Variants in BCAS3 observed in about 807,000 individuals in gnomAD.
BCAS3 encodes BCAS3 microtubule associated cell migration factor.
In BCAS3, 53 loss-of-function variants were observed where a neutral mutation model predicts 116.1. The observed-to-expected ratio is 0.46, with a 90% confidence interval of 0.37 to 0.57. The LOEUF (loss-of-function observed/expected upper bound fraction) is 0.57, where lower values mean the gene tolerates loss of function less well. BCAS3 is among the 20% of genes least tolerant of loss of function. The pLI, the probability that BCAS3 is intolerant of heterozygous loss-of-function variation, is 0.00. For synonymous variants in BCAS3, 391 were observed against 408.2 expected (o/e 0.96, Z 0.51); for missense variants, 917 against 1,165.4 (o/e 0.79, Z 3.10).
Position 61,241,614 on chromosome 17 carries a change from G to A in BCAS3, c.2426-126713G>A, listed in dbSNP as rs1473667533. Among the ~76,000 whole-genome samples, 2 of 152,016 alleles carry A rather than the reference G, an allele frequency of 1.3e-5. No homozygotes were observed. Among genetic ancestry groups the A allele is most frequent in the African/African-American group, 2.4e-5 (1 of 41,392 alleles). ...GGTGCCTGTAGTCCCAGCTACTCGGGAGGATGAGGCAGGAAAATGGCGTGA... is the reference window on the plus strand; with the variant it reads ...GGTGCCTGTAGTCCCAGCTACTCGGAAGGATGAGGCAGGAAAATGGCGTGA... On this transcript the variant is annotated intron_variant, in intron 22 of 23. Transcript: ENST00000407086. The surrounding 1 kb of genome is among the most constrained non-coding windows in gnomAD (Gnocchi z 4.6).
chr17:60,693,884 A>G (rs1359892676), intron 4 of BCAS3, among the ~76,000 whole-genome samples: 2 of 146,890 alleles, frequency 1.4e-5, no homozygotes, highest in Non-Finnish European at 3.0e-5. Flanking sequence ...TAAAAATTTT[A>G]ATTTTTTTTT....
chr17:60,985,775 C>T (rs887794532), intron 14 of BCAS3, among the ~76,000 whole-genome samples: 2 of 152,042 alleles, frequency 1.3e-5, no homozygotes, highest in African/African-American at 4.8e-5. Flanking sequence ...TTCGCTCTGT[C>T]GCCCAGCCTG....
At chr17:60,796,416 G>A (rs2047219982) in intron 6 of BCAS3, among the ~76,000 whole-genome samples, 1 of 152,094 alleles carries the variant, frequency 6.6e-6, no homozygotes, top group Non-Finnish European at 1.5e-5. Flanking sequence ...CTTGTTATTG[G>A]CCTGTTGAGG....
chr17:61,255,945 G>A (rs1179962814), intron 22 of BCAS3, among the ~76,000 whole-genome samples: 2 of 152,164 alleles, frequency 1.3e-5, no homozygotes, highest in Non-Finnish European at 2.9e-5. Context: ...TTAGAGATGG[G>A]AAATGCTGCT....
At position 61,116,041 on chromosome 17, in the gene BCAS3, T is replaced by C. The variant is rs554864542; in HGVS notation, c.2425+31477T>C. ...TCACTCATAGGTGGGAATTGAACAA[T>C]GAGATCACATGGACACAGGAAGGGG... On this transcript the variant is annotated intron_variant, in intron 22 of 23. Transcript: ENST00000407086. 2.2e-5 allele frequency among the ~76,000 whole-genome samples: 3 copies of C among 134,738 alleles called. No homozygotes were observed. The East Asian group carries it at 6.6e-4, about 30-fold the overall frequency. 88.4% of individuals were successfully genotyped at this position (134,738 alleles called of 152,430 possible).
chr17:60,933,741 A>C (rs2059780728), intron 13 of BCAS3, among the ~76,000 whole-genome samples: 1 of 152,268 alleles, frequency 6.6e-6, no homozygotes, highest in Non-Finnish European at 1.5e-5. Flanking sequence ...ACAGATCTAC[A>C]GCATAACATA....
chr17:61,289,657 G>A (rs549117046), intron 22 of BCAS3, among the ~76,000 whole-genome samples: 1 of 152,232 alleles, frequency 6.6e-6, no homozygotes, highest in African/African-American at 2.4e-5. Context: ...CCACAGGGTT[G>A]CACTGCTTAA....
At position 61,203,688 on chromosome 17, in the gene BCAS3, C is replaced by A. The variant is rs933935203; in HGVS notation, c.2425+119124C>A. 8.5e-5 allele frequency among the ~76,000 whole-genome samples: 13 copies of A among 152,132 alleles called. No homozygotes were observed. Among genetic ancestry groups the A allele is most frequent in the Non-Finnish European group, 1.9e-4 (13 of 68,006 alleles). On this transcript the variant is annotated intron_variant, in intron 22 of 23. Coordinates refer to ENST00000407086, the MANE Select transcript of BCAS3 (RefSeq NM_017679.5). This position sits in a 1 kb window ranked among gnomAD's most constrained non-coding sequence, Gnocchi z 5.7. ...TTTTGCCTTCCGTTCATCTTTGTAA[C>A]CATTTTTTTGTTTCAGGTTGAGTGT...
intron 5 of BCAS3, among the ~76,000 whole-genome samples, chr17:60,737,580 T>G (rs2041106346): frequency 6.6e-6 from 1 of 152,054 alleles, no homozygotes; most frequent in Admixed American, 6.5e-5. Context: ...TTCACAAATT[T>G]TCTTAAGTTG....
At position 61,249,998 on chromosome 17, in the gene BCAS3, A is replaced by G. The variant is rs2048253766; in HGVS notation, c.2426-118329A>G. Among the ~76,000 whole-genome samples the G allele has an allele frequency of 6.6e-6, 1 of 151,986 alleles. No homozygotes were observed. On this transcript the variant is annotated intron_variant, in intron 22 of 23. Coordinates refer to ENST00000407086, the MANE Select transcript of BCAS3 (RefSeq NM_017679.5). The surrounding 1 kb of genome is among the most constrained non-coding windows in gnomAD (Gnocchi z 6.2). Reference sequence around the variant, plus strand: ...AGAGGATCAGAAAACAAGATACCAAATAAGAGCAGCCATTGTAAAACTAGA... The same window carrying G: ...AGAGGATCAGAAAACAAGATACCAAGTAAGAGCAGCCATTGTAAAACTAGA...
chr17:60,848,344 C>T (rs1046758588), intron 7 of BCAS3, among the ~76,000 whole-genome samples: 10 of 152,218 alleles, frequency 6.6e-5, no homozygotes, highest in East Asian at 1.9e-4. Flanking sequence ...ACTGGAATTT[C>T]GAAAGATATT....
chr17:60,776,015 T>C (rs976910287), intron 6 of BCAS3, among the ~76,000 whole-genome samples: 1 of 152,152 alleles, frequency 6.6e-6, no homozygotes, highest in African/African-American at 2.4e-5. Flanking sequence ...CTTTATTGGA[T>C]TGGAAATAAA....
At position 60,746,206 on chromosome 17, in the gene BCAS3, A is replaced by C. The variant is rs563259930; in HGVS notation, c.322-992A>C. On this transcript the variant is annotated intron_variant, in intron 5 of 23. Coordinates refer to ENST00000407086, the MANE Select transcript of BCAS3 (RefSeq NM_017679.5). Reference sequence around the variant, plus strand: ...TTCATCAAACACTAGGCAATTATGAAAATGGTTTAAGAACTACAGTACCAC... The same window carrying C: ...TTCATCAAACACTAGGCAATTATGACAATGGTTTAAGAACTACAGTACCAC... Among the ~76,000 whole-genome samples the C allele has an allele frequency of 2.0e-5, 3 of 152,252 alleles. No individual in the cohort carries two copies. In the East Asian group the frequency reaches 5.8e-4, roughly 29 times the overall value.
rs75571485 is a variant in BCAS3, at chr17:61,312,292, G to A, written c.2426-56035G>A. On this transcript the variant is annotated intron_variant, in intron 22 of 23. Transcript: ENST00000407086. ...AGGAAGGGGAAGGGAGCAAGGAGTG[G>A]GGGAGGGTGTCAGCTCAGAGGGGCT... Among the ~76,000 whole-genome samples the A allele has an allele frequency of 9.2e-3, 1,399 of 152,282 alleles. 24 individuals carry two copies. Among genetic ancestry groups the A allele is most frequent in the African/African-American group, 0.032 (1,312 of 41,550 alleles).
chr17:60,840,412 A>C (rs2051796695), intron 7 of BCAS3, among the ~76,000 whole-genome samples: 1 of 152,188 alleles, frequency 6.6e-6, no homozygotes, highest in Non-Finnish European at 1.5e-5. Context: ...GTCTTTGCAA[A>C]AAGCTCAAGG....
At chr17:61,080,048 G>A (rs1307934604) in intron 21 of BCAS3, among the ~76,000 whole-genome samples, 1 of 151,644 alleles carries the variant, frequency 6.6e-6, no homozygotes, top group Non-Finnish European at 1.5e-5. Context: ...AGTATTACAG[G>A]TATGTGGCAC....
chr17:61,057,760 C>T (rs2069539236), intron 19 of BCAS3, among the ~76,000 whole-genome samples: 3 of 151,844 alleles, frequency 2.0e-5, no homozygotes, highest in Admixed American at 2.0e-4. Flanking sequence ...AGAAACAAAG[C>T]AGCCTGTGCT....
At chr17:61,221,767 A>G (rs1306563372) in intron 22 of BCAS3, among the ~76,000 whole-genome samples, 2 of 152,208 alleles carry the variant, frequency 1.3e-5, no homozygotes, top group Non-Finnish European at 2.9e-5. Flanking sequence ...ACATACCATG[A>G]AGGAAAAAAC....
At chr17:60,746,237 G>T (rs1450686359) in intron 5 of BCAS3, among the ~76,000 whole-genome samples, 1 of 152,134 alleles carries the variant, frequency 6.6e-6, no homozygotes. Context: ...ACCACGTACA[G>T]TAATTTAATC....
Sources: gnomAD v4.1 joint callset for allele counts (sites outside exome capture counted in the v4.1 genomes callset) on GRCh38, gnomAD v4.1.1 for gene constraint, Gnocchi (gnomAD v3.1) non-coding constraint, MANE v1.5 for transcripts, NCBI Gene and HGNC (gene_info 2026-07-23, HGNC 2026-07-21) for gene names.